The following RPS6KC1 variants were observed in gnomAD, a reference collection of about 807,000 sequenced individuals.
RPS6KC1 encodes the protein ribosomal protein S6 kinase C1.
Under a neutral mutation model 103.8 loss-of-function variants are expected in RPS6KC1, and 54 were observed. The observed-to-expected ratio is 0.52, with a 90% CI of 0.42 to 0.65. The LOEUF is 0.65. RPS6KC1 is among the 30% of genes least tolerant of loss of function. The probability of loss-of-function intolerance (pLI) is 0.00; values close to 1 mark genes in which losing one functional copy is unlikely to be tolerated. For missense variants in RPS6KC1, 1,151 were observed against 1,253.8 expected (o/e 0.92, Z 1.24); for synonymous variants, 439 against 438.7 (o/e 1.00, Z -0.01).
intron 14 of RPS6KC1, among the ~76,000 whole-genome samples, chr1:213,264,603 G>A (rs779460840): frequency 2.6e-5 from 4 of 152,122 alleles, no homozygotes; most frequent in African/African-American, 7.2e-5. Flanking sequence ...ACTCAGATAT[G>A]TATAGCTTAT....
chr1:213,628,177 C>A, the RPS6KC1 span, among the ~76,000 whole-genome samples: 1 of 152,136 alleles, frequency 6.6e-6, no homozygotes, highest in Non-Finnish European at 1.5e-5. Flanking sequence ...GGAATTTATC[C>A]ATTTGTTCTA....
At chr1:213,343,524 T>C in the RPS6KC1 span, among the ~76,000 whole-genome samples, 1 of 148,908 alleles carries the variant, frequency 6.7e-6, no homozygotes, top group Non-Finnish European at 1.5e-5. Flanking sequence ...GAGACTATTA[T>C]CCTAAGTGAA....
At chr1:213,275,242 G>C (rs956670997), downstream of RPS6KC1, among the ~76,000 whole-genome samples, 2 of 152,182 alleles carry the variant, frequency 1.3e-5, no homozygotes, top group African/African-American at 2.4e-5. Context: ...CATTTTGGCT[G>C]TTGTGAATAA....
chr1:213,531,468 A>AC, the RPS6KC1 span, among the ~76,000 whole-genome samples: 1 of 152,110 alleles, frequency 6.6e-6, no homozygotes, highest in Non-Finnish European at 1.5e-5. Flanking sequence ...AGGTGTGGTT[A>AC]CCCCCATTTT....
At chr1:213,053,980 C>T (rs942190787) in intron 1 of RPS6KC1, among the ~76,000 whole-genome samples, 5 of 151,976 alleles carry the variant, frequency 3.3e-5, no homozygotes, top group African/African-American at 4.8e-5. Flanking sequence ...GGATTACAGG[C>T]GCCCTCCACC....
the RPS6KC1 span, chr1:213,820,932 C>T: frequency 0.11 from 16,165 of 152,088 alleles, 1,100 homozygotes; most frequent in South Asian, 0.2. Context: ...CAAAAACACC[C>T]GCTCCCCAAG....
intron 8 of RPS6KC1, among the ~76,000 whole-genome samples, chr1:213,230,030 A>G (rs2094053710): frequency 6.6e-6 from 1 of 152,206 alleles, no homozygotes; most frequent in Admixed American, 6.5e-5. Flanking sequence ...AGGGGTGTTA[A>G]GGTGAATCCA....
At chr1:213,078,754 C>T (rs1203085641) in intron 3 of RPS6KC1, among the ~76,000 whole-genome samples, 2 of 152,160 alleles carry the variant, frequency 1.3e-5, no homozygotes, top group Admixed American at 1.3e-4. Flanking sequence ...TATGTAATTG[C>T]AGAGTCAAGG....
At chr1:213,286,312 T>C in the RPS6KC1 span, among the ~76,000 whole-genome samples, 1 of 152,140 alleles carries the variant, frequency 6.6e-6, no homozygotes, top group Non-Finnish European at 1.5e-5. Flanking sequence ...TAAAAGAAAT[T>C]AGGGCTTCTT....
the RPS6KC1 span, among the ~76,000 whole-genome samples, chr1:213,305,860 C>T: frequency 2.0e-5 from 3 of 152,152 alleles, no homozygotes; most frequent in Non-Finnish European, 4.4e-5. Flanking sequence ...GCTTTTTCAT[C>T]GACTGACTTG....
At chr1:213,307,068 T>TG in the RPS6KC1 span, among the ~76,000 whole-genome samples, 1 of 150,160 alleles carries the variant, frequency 6.7e-6, no homozygotes, top group Non-Finnish European at 1.5e-5. Context: ...AGGTTTTTTT[T>TG]TTTTTTTTTT....
At chr1:213,545,939 C>G in the RPS6KC1 span, among the ~76,000 whole-genome samples, 6 of 152,078 alleles carry the variant, frequency 3.9e-5, no homozygotes, top group Non-Finnish European at 7.4e-5. Flanking sequence ...CCCAGTGAAC[C>G]CTTCTTTTAT....
chr1:213,398,536 T>TC, the RPS6KC1 span, among the ~76,000 whole-genome samples: 1 of 152,130 alleles, frequency 6.6e-6, no homozygotes, highest in African/African-American at 2.4e-5. Context: ...TCACACTTCC[T>TC]TTTCACCTAG....
chr1:213,123,478 A>G (rs2084629475), intron 5 of RPS6KC1, among the ~76,000 whole-genome samples: 1 of 152,160 alleles, frequency 6.6e-6, no homozygotes. Context: ...GAAGCATAAT[A>G]GACATGACCC....
the RPS6KC1 span, among the ~76,000 whole-genome samples, chr1:213,584,586 C>A: frequency 6.6e-6 from 1 of 152,188 alleles, no homozygotes; most frequent in Non-Finnish European, 1.5e-5. Context: ...CTTTGAAATG[C>A]ATGTTTATCC....
At chr1:213,497,115 A>G in the RPS6KC1 span, among the ~76,000 whole-genome samples, 1 of 152,366 alleles carries the variant, frequency 6.6e-6, no homozygotes, top group Non-Finnish European at 1.5e-5. Context: ...AGTAATAATC[A>G]ACTTTAATGT....
the RPS6KC1 span, among the ~76,000 whole-genome samples, chr1:213,291,891 A>G: frequency 6.6e-6 from 1 of 152,182 alleles, no homozygotes; most frequent in Non-Finnish European, 1.5e-5. Flanking sequence ...TCTAACGTTT[A>G]AGTCTTTAAT....
chr1:213,343,444 T>TAC, the RPS6KC1 span, among the ~76,000 whole-genome samples: 8 of 75,160 alleles, frequency 1.1e-4, no homozygotes, highest in African/African-American at 3.1e-4. Flanking sequence ...TATATATACA[T>TAC]ACCATGGAAT....
the RPS6KC1 span, among the ~76,000 whole-genome samples, chr1:213,283,716 G>A: frequency 6.6e-6 from 1 of 152,176 alleles, no homozygotes; most frequent in African/African-American, 2.4e-5. Context: ...CCTATGCTTA[G>A]GAGAGATTGC....
Sources: allele counts gnomAD v4.1 joint callset (sites outside exome capture counted in the v4.1 genomes callset), GRCh38; gene constraint gnomAD v4.1.1; transcripts MANE v1.5; gene names NCBI Gene and HGNC (gene_info 2026-07-23, HGNC 2026-07-21).